The following RRH variants were observed in gnomAD, a reference collection of about 807,000 sequenced individuals.
RRH encodes the protein visual pigment-like receptor peropsin.
A neutral mutation model predicts 33.1 loss-of-function variants in RRH; 36 were observed. The ratio of observed to expected loss-of-function variants is 1.09; its 90% CI spans 0.83 to 1.44. The LOEUF is 1.44. Ranked by LOEUF, RRH falls within the 40% of genes most tolerant of loss-of-function variation. The pLI is 0.00. For missense variants in RRH, 393 were observed against 420.2 expected, an observed-to-expected ratio of 0.94 and a Z score of 0.57; for synonymous variants, 124 against 140.2, an observed-to-expected ratio of 0.88 and a Z score of 0.82.
At chr4:109,835,665 T>C (rs1733866155) in intron 3 of RRH, among the ~76,000 whole-genome samples, 200 bp downstream of exon 3, 1 of 152,230 alleles carries the variant, frequency 6.6e-6, no homozygotes, top group Admixed American at 6.5e-5. Context: ...ATTCACACTT[T>C]GAGGTACGGT....
At chr4:109,838,728 C>T (rs1263083899) in intron 5 of RRH, among the ~76,000 whole-genome samples, 1 of 152,136 alleles carries the variant, frequency 6.6e-6, no homozygotes, top group African/African-American at 2.4e-5. Flanking sequence ...TCCTAGCTTC[C>T]AGCATTGCTA....
intron 4 of RRH, 95 bp downstream of exon 4, chr4:109,836,255 C>G: frequency 7.5e-7 from 1 of 1,338,960 alleles, no homozygotes; most frequent in Non-Finnish European, 1.1e-6. Flanking sequence ...GTTCCTCATA[C>G]AGAAGGTGGC....
Position 109,842,508 on chromosome 4 carries a change from T to G in RRH, c.760T>G (p.Ser254Ala), listed in dbSNP as rs757496075. 3 of 1,613,992 alleles carry G rather than the reference T, an allele frequency of 1.9e-6. No individual in the cohort carries two copies. In the South Asian group the frequency reaches 3.3e-5, roughly 18 times the overall value. ...IMICMFLVAW[S>A]PYSIVCLWAS... ...GATCTGCATGTTTCTGGTGGCATGG[T>G]CCCCTTATTCCATCGTGTGCTTATG... Residue 254 changes from serine (S) to alanine (A), a missense_variant, in exon 6 of 7, where the codon TCC (serine) becomes GCC (alanine). Coordinates refer to ENST00000317735, the MANE Select transcript of RRH (RefSeq NM_006583.5).
intron 1 of RRH, among the ~76,000 whole-genome samples, 174 bp downstream of exon 1, chr4:109,828,307 G>T (rs1212958660): frequency 5.9e-5 from 9 of 152,060 alleles, no homozygotes; most frequent in Non-Finnish European, 1.0e-4. Flanking sequence ...CTATTTCTGG[G>T]CTGTAAAGAT....
intron 1 of RRH, 78 bp downstream of exon 1, chr4:109,828,211 G>A: frequency 1.0e-6 from 1 of 984,688 alleles, no homozygotes; most frequent in East Asian, 2.5e-5. Flanking sequence ...GGCATGCATT[G>A]TTTCAAGTTC....
chr4:109,832,075 CT>C (rs1414157056), intron 1 of RRH, among the ~76,000 whole-genome samples: 1 of 151,280 alleles, frequency 6.6e-6, no homozygotes, highest in Non-Finnish European at 1.5e-5. Flanking sequence ...GGGAACTCAA[CT>C]CTATTCCTGC....
At position 109,835,858 on chromosome 4, in the gene RRH, A is replaced by G. The variant is rs182458010; in HGVS notation, c.398-149A>G. Reference sequence around the variant, plus strand: ...AAGGGAGAATATTTGTGTTACTTTTATTAGGTGTTGCACTCATGTTTTGGC... The same window carrying G: ...AAGGGAGAATATTTGTGTTACTTTTGTTAGGTGTTGCACTCATGTTTTGGC... On this transcript the variant is annotated intron_variant, in intron 3 of 6. Coordinates refer to ENST00000317735, the MANE Select transcript of RRH (RefSeq NM_006583.5). 7.0e-4 allele frequency: 587 copies of G among 835,080 alleles called. 1 individual carries two copies. The African/African-American group carries it at 8.4e-3, about 12-fold the overall frequency. 51.7% of individuals were successfully genotyped at this position (835,080 alleles called of 1,614,324 possible).
chr4:109,829,627 C>T (rs1733708093), intron 1 of RRH, among the ~76,000 whole-genome samples: 1 of 152,104 alleles, frequency 6.6e-6, no homozygotes, highest in African/African-American at 2.4e-5. Flanking sequence ...AATAATTCAT[C>T]CTTACACTAA....
At position 109,833,326 on chromosome 4, in the gene RRH, T is replaced by C. The variant is rs760442814; in HGVS notation, c.294T>C (p.Cys98=). Residue 98 remains cysteine, a synonymous_variant, in exon 2 of 7, where the codon TGT becomes TGC. Transcript: ENST00000317735. The stretch of plus-strand genomic sequence containing the variant: ...GTTGGAAATTTGGATACGCAGGCTG[T>C]CAGGTATTGGAGATCATTGGAATGA... ...YGSWKFGYAG[C]QVYAGLNIFF... is the part of the protein sequence containing the mutation. The C allele has an allele frequency of 2.5e-5, 41 of 1,613,510 alleles. 1 individual carries two copies. The highest frequency in any genetic ancestry group is 3.5e-5 in the Non-Finnish European group (41 of 1,179,610).
chr4:109,834,040 A>G (rs910670025), intron 2 of RRH, among the ~76,000 whole-genome samples: 6 of 152,210 alleles, frequency 3.9e-5, no homozygotes, highest in African/African-American at 1.4e-4. Context: ...GCCATCTTCA[A>G]TCTTATTCCT....
chr4:109,843,300 C>T (rs1320717511), intron 6 of RRH, among the ~76,000 whole-genome samples: 1 of 152,178 alleles, frequency 6.6e-6, no homozygotes, highest in African/African-American at 2.4e-5. Flanking sequence ...GCAACCTCTG[C>T]CTCCAGGTTC....
At chr4:109,835,535 G>A (rs142493017) in intron 3 of RRH, 70 bp downstream of exon 3, 88 of 1,048,108 alleles carry the variant, frequency 8.4e-5, no homozygotes, top group South Asian at 5.8e-4. Flanking sequence ...ATATATATAC[G>A]CTAAAATATA....
At chr4:109,833,039 A>T (rs1733791434) in intron 1 of RRH, 100 bp from the exon 2 acceptor site, 1 of 923,822 alleles carries the variant, frequency 1.1e-6, no homozygotes, top group Non-Finnish European at 1.7e-6. Context: ...ACTAAAATAG[A>T]TCTGTTATGT....
intron 1 of RRH, among the ~76,000 whole-genome samples, chr4:109,828,425 G>C (rs924747398): frequency 1.3e-5 from 2 of 152,148 alleles, no homozygotes; most frequent in Non-Finnish European, 1.5e-5. Flanking sequence ...GTGGGGCTGA[G>C]AAAAGTTTTC....
chr4:109,835,107 G>C (rs939099249), intron 2 of RRH, among the ~76,000 whole-genome samples: 2 of 152,072 alleles, frequency 1.3e-5, no homozygotes, highest in Non-Finnish European at 2.9e-5. Flanking sequence ...TCTGCACTCT[G>C]TTCATAGAGT....
At chr4:109,832,312 A>G (rs749519652) in intron 1 of RRH, among the ~76,000 whole-genome samples, 3 of 150,778 alleles carry the variant, frequency 2.0e-5, no homozygotes, top group Admixed American at 6.6e-5. Flanking sequence ...TAATAAGTTT[A>G]GTTATCTGTC....
intron 6 of RRH, among the ~76,000 whole-genome samples, chr4:109,843,808 A>C (rs1734028097): frequency 1.3e-5 from 2 of 152,356 alleles, no homozygotes; most frequent in Middle Eastern, 3.4e-3. Flanking sequence ...TAGAATCAAC[A>C]GTGCAAAATT....
chr4:109,830,383 G>GT (rs1560583164), intron 1 of RRH, among the ~76,000 whole-genome samples: 2 of 152,144 alleles, frequency 1.3e-5, no homozygotes, highest in Non-Finnish European at 2.9e-5. Context: ...GTAGCTAAGG[G>GT]ACCACATAGG....
At chr4:109,843,371 C>T (rs772967633) in intron 6 of RRH, among the ~76,000 whole-genome samples, 7 of 152,216 alleles carry the variant, frequency 4.6e-5, no homozygotes, top group South Asian at 4.1e-4. Flanking sequence ...CCACCACACC[C>T]GGCTAATTTT....
Sources: gnomAD v4.1 joint callset for allele counts (sites outside exome capture counted in the v4.1 genomes callset) on GRCh38, gnomAD v4.1.1 for gene constraint, MANE v1.5 for transcripts, NCBI Gene and HGNC (gene_info 2026-07-23, HGNC 2026-07-21) for gene names.